Variants in PHF19 observed in about 807,000 individuals in gnomAD.
PHF19 encodes polycomb like 3.
PHF19 carries 21 observed loss-of-function variants against 79.8 expected under a neutral mutation model. That is an observed-to-expected ratio of 0.26 (90% confidence interval 0.19 to 0.38). PHF19 has a LOEUF of 0.38. Among genes scored for constraint, PHF19 ranks in the 10% least tolerant of loss-of-function variants. The pLI is 1.00. For missense variants in PHF19, 445 were observed against 744.2 expected, an observed-to-expected ratio of 0.60 and a Z score of 4.68; for synonymous variants, 273 against 296.3, an observed-to-expected ratio of 0.92 and a Z score of 0.81.
chr9:120,879,061 TTTC>T (rs869134540), upstream of PHF19, among the ~76,000 whole-genome samples: 20 of 150,728 alleles, frequency 1.3e-4, no homozygotes, highest in African/African-American at 4.6e-4. Context: ...CACTTCTTTC[TTTC>T]TTTTTTTTTT....
At chr9:120,873,888 G>A in intron 3 of PHF19, 91 bp downstream of exon 3, 1 of 720,912 alleles carries the variant, frequency 1.4e-6, no homozygotes, top group Admixed American at 2.1e-5. Flanking sequence ...CCAGGAGTAA[G>A]AGATGGAAGG....
chr9:120,901,975 G>A, the PHF19 span, among the ~76,000 whole-genome samples: 57 of 152,308 alleles, frequency 3.7e-4, no homozygotes, highest in African/African-American at 1.2e-3. Flanking sequence ...GCCAGAACAG[G>A]GAGGTCTTCT....
the PHF19 span, among the ~76,000 whole-genome samples, chr9:120,900,134 G>A: frequency 1.5e-5 from 2 of 135,706 alleles, no homozygotes; most frequent in Non-Finnish European, 3.0e-5. Flanking sequence ...TTACAGGCAT[G>A]GGCCACCATG....
chr9:120,883,944 C>G (rs2046227264), intron 1 of PHF19, among the ~76,000 whole-genome samples: 1 of 152,160 alleles, frequency 6.6e-6, no homozygotes. Context: ...ATTCTATGAA[C>G]TCAGTCTAAG....
At chr9:120,882,023 G>A (rs569467734), upstream of PHF19, among the ~76,000 whole-genome samples, 1 of 152,360 alleles carries the variant, frequency 6.6e-6, no homozygotes, top group East Asian at 1.9e-4. Flanking sequence ...GCCTTCCAAA[G>A]TGTTGGGATT....
At position 120,866,179 on chromosome 9, in the gene PHF19, C is replaced by T. The variant is rs1043678248; in HGVS notation, c.711-83G>A. 3.1e-6 allele frequency: 3 copies of T among 956,190 alleles called. No homozygotes were observed. The highest frequency in any genetic ancestry group is 5.1e-6 in the Non-Finnish European group (3 of 584,232). 59.2% of individuals were successfully genotyped at this position (956,190 alleles called of 1,614,324 possible). ...AGTCCAGCCCCTTGATCTCCTCATT[C>T]CCCACCTACCTTCCCATAATCTTCT... On this transcript the variant is annotated intron_variant, in intron 7 of 14. Coordinates refer to ENST00000373896, the MANE Select transcript of PHF19 (RefSeq NM_015651.3). This position sits in a 1 kb window ranked among gnomAD's most constrained non-coding sequence, Gnocchi z 5.2.
rs76502595 is a variant in PHF19, at chr9:120,874,784, T to G, written c.-15-28A>C. 7.3e-4 allele frequency: 1,097 copies of G among 1,496,738 alleles called. 13 individuals carry two copies. In the East Asian group the frequency reaches 0.023, roughly 31 times the overall value. The allele number at this position is 1,496,738 out of a possible 1,614,324, so 92.7% of individuals were successfully genotyped here. On this transcript the variant is annotated intron_variant, in intron 1 of 14. Coordinates refer to ENST00000373896, the MANE Select transcript of PHF19 (RefSeq NM_015651.3). The surrounding 1 kb of genome is among the most constrained non-coding windows in gnomAD (Gnocchi z 4.5). ...GGGAGAGAAAGAACAGGGTTTTTGC[T>G]TCTTGCTTCCCTGCTTCAGAAAGCC...
At position 120,866,205 on chromosome 9, in the gene PHF19, C is replaced by T. The variant is rs2045695414; in HGVS notation, c.711-109G>A. ...CCCACCTACCTTCCCATAATCTTCT[C>T]ACTCCTAGGACTGCTGGCCACTGGG... On this transcript the variant is annotated intron_variant, in intron 7 of 14. Transcript: ENST00000373896. The surrounding 1 kb of genome is among the most constrained non-coding windows in gnomAD (Gnocchi z 5.2). 4.8e-6 allele frequency: 4 copies of T among 829,058 alleles called. No individual in the cohort carries two copies. The East Asian group carries it at 7.6e-5, about 16-fold the overall frequency. 51.4% of individuals were successfully genotyped at this position (829,058 alleles called of 1,614,324 possible).
At chr9:120,875,350 C>T (rs1222753957) in intron 1 of PHF19, among the ~76,000 whole-genome samples, 2 of 152,122 alleles carry the variant, frequency 1.3e-5, no homozygotes, top group Non-Finnish European at 2.9e-5. Flanking sequence ...ACATTTAAAC[C>T]CACTTATGCT....
In PHF19 at chr9:120,857,820, T is replaced by G. The variant is rs1333876023; in HGVS notation, c.*124A>C. On this transcript the variant is annotated 3_prime_UTR_variant, in exon 15 of 15. Coordinates refer to ENST00000373896, the MANE Select transcript of PHF19 (RefSeq NM_015651.3). ...TGGCAGGCAGGCAGGCAGGGCATTC[T>G]GCCAGGCACTTGCAGCTCTGTCCTG... The G allele has an allele frequency of 1.6e-6, 1 of 611,494 alleles. No individual in the cohort carries two copies. Among genetic ancestry groups the G allele is most frequent in the African/African-American group, 1.9e-5 (1 of 53,728 alleles). 37.9% of individuals were successfully genotyped at this position (611,494 alleles called of 1,614,324 possible).
chr9:120,879,171 CT>C (rs1767404546), upstream of PHF19, among the ~76,000 whole-genome samples: 1 of 152,208 alleles, frequency 6.6e-6, no homozygotes, highest in Admixed American at 6.5e-5. Flanking sequence ...TGCAAAGCCC[CT>C]GGTGCCCAGT....
intron 14 of PHF19, 74 bp from the exon 15 acceptor site, chr9:120,858,360 C>A: frequency 8.7e-7 from 1 of 1,146,204 alleles, no homozygotes; most frequent in African/African-American, 1.6e-5. Context: ...TCCCTGAGTC[C>A]TCCCCTCAGT....
upstream of PHF19, among the ~76,000 whole-genome samples, chr9:120,899,379 C>T (rs1452202820): frequency 6.6e-6 from 1 of 151,048 alleles, no homozygotes; most frequent in African/African-American, 2.4e-5. Flanking sequence ...GCCTGTAGTC[C>T]CAGCTACTCG....
chr9:120,900,635 C>G, the PHF19 span, among the ~76,000 whole-genome samples: 3 of 152,278 alleles, frequency 2.0e-5, no homozygotes, highest in African/African-American at 2.4e-5. Context: ...GATGTGATCA[C>G]AGCTCACTGC....
At chr9:120,899,026 C>T (rs963738885), upstream of PHF19, among the ~76,000 whole-genome samples, 69 of 151,588 alleles carry the variant, frequency 4.6e-4, no homozygotes, top group African/African-American at 1.6e-3. Flanking sequence ...TGGTGAAACC[C>T]CATCTCTCCT....
chr9:120,889,298 C>T (rs1042162388), intron 1 of PHF19, among the ~76,000 whole-genome samples: 14 of 152,070 alleles, frequency 9.2e-5, no homozygotes, highest in African/African-American at 2.4e-4. Context: ...TGGTGGCAGG[C>T]GCCTGTAGTC....
Position 120,869,987 on chromosome 9 carries a change from G to A in PHF19, c.365-42C>T, listed in dbSNP as rs147559801. The A allele has an allele frequency of 2.7e-5, 42 of 1,543,726 alleles. No homozygotes were observed. The East Asian group carries it at 7.8e-4, about 29-fold the overall frequency. On this transcript the variant is annotated intron_variant, in intron 4 of 14. Coordinates refer to ENST00000373896, the MANE Select transcript of PHF19 (RefSeq NM_015651.3). This position sits in a 1 kb window ranked among gnomAD's most constrained non-coding sequence, Gnocchi z 5.8. ...GGCGGTGAGCGCCCACAAGGACATC[G>A]TGGCCCAAGGCCAGTTGGCCCAAAG... is the stretch of plus-strand genomic sequence containing the variant.
chr9:120,868,970 C>A (rs1164329985), intron 6 of PHF19: 2 of 317,484 alleles, frequency 6.3e-6, no homozygotes, highest in Non-Finnish European at 9.0e-6. Flanking sequence ...CTGACCCCCC[C>A]CTCCCCGAGT....
rs367871886 is a variant in PHF19 at position 120,874,509 on chromosome 9, A to T, written c.186+47T>A. The T allele has an allele frequency of 1.1e-4, 135 of 1,256,074 alleles. No homozygotes were observed. The African/African-American group carries it at 1.8e-3, about 17-fold the overall frequency. 77.8% of individuals were successfully genotyped at this position (1,256,074 alleles called of 1,614,324 possible). On this transcript the variant is annotated intron_variant, in intron 2 of 14. Transcript: ENST00000373896. This position sits in a 1 kb window ranked among gnomAD's most constrained non-coding sequence, Gnocchi z 4.5. ...CTGACAGCCAGGCTGGAACATGAGCAGAGAGATTCTGAGTCTGAGAACAGG... is the reference window on the plus strand; with the variant it reads ...CTGACAGCCAGGCTGGAACATGAGCTGAGAGATTCTGAGTCTGAGAACAGG...
Sources: gnomAD v4.1 joint callset for allele counts (sites outside exome capture counted in the v4.1 genomes callset) on GRCh38, gnomAD v4.1.1 for gene constraint, Gnocchi (gnomAD v3.1) non-coding constraint, MANE v1.5 for transcripts, NCBI Gene and HGNC (gene_info 2026-07-23, HGNC 2026-07-21) for gene names.